Variants in RBFOX1 observed in about 807,000 individuals in gnomAD.
RBFOX1 encodes RNA binding protein fox-1 homolog 1.
In RBFOX1, 8 loss-of-function variants were observed where a neutral mutation model predicts 57.7. The observed-to-expected ratio is 0.14, with a 90% CI of 0.08 to 0.25. RBFOX1 has a LOEUF of 0.25. RBFOX1 is among the 10% of genes least tolerant of loss of function. The pLI is 1.00. For missense variants in RBFOX1, 611 were observed against 548.5 expected (o/e 1.11, Z -1.14); for synonymous variants, 326 against 222.4 (o/e 1.47, Z -4.15).
At chr16:6,478,004 G>A (rs2095300842) in intron 2 of RBFOX1, among the ~76,000 whole-genome samples, 1 of 151,998 alleles carries the variant, frequency 6.6e-6, no homozygotes, top group African/African-American at 2.4e-5. Flanking sequence ...AATTCAAGAG[G>A]ATTAAAGTCT....
At chr16:7,047,305 T>C (rs898110607) in intron 3 of RBFOX1, among the ~76,000 whole-genome samples, 7 of 152,208 alleles carry the variant, frequency 4.6e-5, no homozygotes, top group Admixed American at 4.6e-4. Context: ...ATATTTTCAT[T>C]GGATGTAGTA....
At chr16:5,298,473 TTCCCC>T (rs1227944549) in intron 1 of RBFOX1, among the ~76,000 whole-genome samples, 1 of 31,802 alleles carries the variant, frequency 3.1e-5, no homozygotes, top group Non-Finnish European at 5.2e-5. Flanking sequence ...TCCCTTCCCC[TTCCCC>T]TCCCCTCCCC....
At chr16:6,976,752 TCATA>T (rs1375788665) in intron 3 of RBFOX1, among the ~76,000 whole-genome samples, 4 of 141,136 alleles carry the variant, frequency 2.8e-5, no homozygotes, top group Admixed American at 7.4e-5. Context: ...ATATATCATG[TCATA>T]CATATATATC....
intron 3 of RBFOX1, among the ~76,000 whole-genome samples, chr16:5,652,165 TGAA>T (rs1368947199): frequency 2.6e-5 from 4 of 152,142 alleles, no homozygotes; most frequent in African/African-American, 7.2e-5. Context: ...ATGATGATGA[TGAA>T]GAAGATATTG....
At chr16:7,470,220 C>G (rs1419598242) in intron 4 of RBFOX1, among the ~76,000 whole-genome samples, 1 of 152,186 alleles carries the variant, frequency 6.6e-6, no homozygotes, top group African/African-American at 2.4e-5. Context: ...ACTTATCTCA[C>G]AGAGTATAAG....
chr16:6,400,644 G>T (rs2093031208), intron 2 of RBFOX1, among the ~76,000 whole-genome samples: 1 of 152,222 alleles, frequency 6.6e-6, no homozygotes, highest in South Asian at 2.1e-4. Context: ...AGCACTGTGG[G>T]AGGCTGAGGC....
intron 1 of RBFOX1, among the ~76,000 whole-genome samples, chr16:5,351,553 A>T (rs2065262893): frequency 6.6e-6 from 1 of 152,248 alleles, no homozygotes; most frequent in Admixed American, 6.5e-5. Context: ...CATAAGATTC[A>T]ACTCAAGGTG....
chr16:5,921,743 G>A (rs779668815), intron 4 of RBFOX1, among the ~76,000 whole-genome samples: 3 of 152,166 alleles, frequency 2.0e-5, no homozygotes, highest in African/African-American at 7.2e-5. Flanking sequence ...CTGCTGCTGG[G>A]GAGGCCTCAG....
intron 2 of RBFOX1, among the ~76,000 whole-genome samples, chr16:5,470,915 G>A (rs1417175553): frequency 6.6e-6 from 1 of 152,052 alleles, no homozygotes; most frequent in Non-Finnish European, 1.5e-5. Context: ...ACAGTGGTGC[G>A]ATCTCAGCTC....
chr16:5,486,935 C>T (rs1044708185), intron 2 of RBFOX1, among the ~76,000 whole-genome samples: 4 of 152,128 alleles, frequency 2.6e-5, no homozygotes, highest in African/African-American at 9.7e-5. Context: ...ACCTGATTCC[C>T]TTCTTCTTCA....
At chr16:6,338,430 G>C (rs978610673) in intron 2 of RBFOX1, among the ~76,000 whole-genome samples, 2 of 152,164 alleles carry the variant, frequency 1.3e-5, no homozygotes, top group East Asian at 3.9e-4. Context: ...AAAACTCTGG[G>C]CGTGTGCCTA....
chr16:7,708,154 C>T (rs2083110602), intron 14 of RBFOX1, among the ~76,000 whole-genome samples: 2 of 152,064 alleles, frequency 1.3e-5, no homozygotes, highest in Admixed American at 6.6e-5. Context: ...ACCTGAGTAA[C>T]ATAGCAAGAC....
chr16:6,584,340 C>CATT (rs3045200), intron 2 of RBFOX1, among the ~76,000 whole-genome samples: 17,569 of 136,600 alleles, frequency 0.13, 1,174 homozygotes, highest in East Asian at 0.21. Flanking sequence ...GTTTTATTTT[C>CATT]ATTATTATTA....
At chr16:6,154,266 T>C (rs2096823475) in intron 1 of RBFOX1, among the ~76,000 whole-genome samples, 1 of 152,252 alleles carries the variant, frequency 6.6e-6, no homozygotes. Context: ...TAATTACGGT[T>C]TTTGCTTTTA....
chr16:5,667,699 G>A (rs553153024), intron 3 of RBFOX1, among the ~76,000 whole-genome samples: 15 of 152,246 alleles, frequency 9.9e-5, no homozygotes, highest in African/African-American at 3.4e-4. Flanking sequence ...TCTAGTTGGT[G>A]TTTCTGCAGG....
Position 7,049,466 on chromosome 16 carries a change from A to G in RBFOX1, c.-15-2591A>G, listed in dbSNP as rs956751944. On this transcript the variant is annotated intron_variant, in intron 3 of 15. Transcript: ENST00000550418. ...ACTTTTAAAAAGAAAGAACAGTAAT[A>G]AAAAAAAAAGAACAATGGGGATTTT... Among the ~76,000 whole-genome samples the G allele has an allele frequency of 2.9e-5, 3 of 104,922 alleles. No individual in the cohort carries two copies. The South Asian group carries it at 9.8e-4, about 34-fold the overall frequency. The allele number at this position is 104,922 out of a possible 152,430, so 68.8% of individuals were successfully genotyped here.
At chr16:7,519,735 C>A (rs2077118215) in intron 5 of RBFOX1, 1 of 984,134 alleles carries the variant, frequency 1.0e-6, no homozygotes, top group East Asian at 1.1e-4. Flanking sequence ...GCCTCTTCGT[C>A]CTGTCCCAAG....
At chr16:5,399,454 C>T (rs472537) in intron 1 of RBFOX1, among the ~76,000 whole-genome samples, 4,023 of 152,234 alleles carry the variant, frequency 0.026, 184 homozygotes, top group African/African-American at 0.092. Flanking sequence ...AAGAATTGCT[C>T]TTAATCACCC....
intron 3 of RBFOX1, among the ~76,000 whole-genome samples, chr16:6,767,720 C>T (rs1306698721): frequency 6.6e-6 from 1 of 151,690 alleles, no homozygotes; most frequent in Admixed American, 6.6e-5. Context: ...TCGAGAGCAG[C>T]CTGGCCAATA....
Sources: allele counts gnomAD v4.1 joint callset (sites outside exome capture counted in the v4.1 genomes callset), GRCh38; gene constraint gnomAD v4.1.1; transcripts MANE v1.5; gene names NCBI Gene and HGNC (gene_info 2026-07-23, HGNC 2026-07-21).